Variants in CTNNA2 observed in about 807,000 individuals in gnomAD.
The protein encoded by CTNNA2 is catenin alpha-2.
A neutral mutation model predicts 101.0 loss-of-function variants in CTNNA2; 42 were observed. The ratio of observed to expected loss-of-function variants is 0.42; its 90% CI spans 0.32 to 0.54. The LOEUF (loss-of-function observed/expected upper bound fraction) is 0.54, where lower values mean the gene tolerates loss of function less well. Ranked by LOEUF, CTNNA2 falls within the 20% of genes least tolerant of loss-of-function variation. CTNNA2 has a pLI of 0.14. For synonymous variants in CTNNA2, 450 were observed against 456.4 expected (o/e 0.99, Z 0.18); for missense variants, 871 against 1,223.1 (o/e 0.71, Z 4.29).
At chr2:79,443,145 CAAAG>C (rs1413076042) in intron 4 of CTNNA2, among the ~76,000 whole-genome samples, 1 of 152,008 alleles carries the variant, frequency 6.6e-6, no homozygotes, top group Non-Finnish European at 1.5e-5. Flanking sequence ...AAGATAAAAA[CAAAG>C]AGATATATCG....
intron 7 of CTNNA2, among the ~76,000 whole-genome samples, chr2:80,276,215 T>G (rs1673889354): frequency 6.6e-6 from 1 of 152,216 alleles, no homozygotes; most frequent in Non-Finnish European, 1.5e-5. Flanking sequence ...TCAGAACTAT[T>G]GAGTAGTTCT....
At chr2:79,615,708 G>T (rs894670010) in intron 1 of CTNNA2, among the ~76,000 whole-genome samples, 14 of 152,094 alleles carry the variant, frequency 9.2e-5, no homozygotes, top group Admixed American at 1.3e-4. Context: ...CTTCTGTAAG[G>T]CATATTCATA....
intron 1 of CTNNA2, among the ~76,000 whole-genome samples, chr2:79,588,880 A>AG (rs1021580846): frequency 2.0e-5 from 3 of 152,194 alleles, no homozygotes; most frequent in Admixed American, 6.5e-5. Flanking sequence ...AGTCAAATGG[A>AG]GGTAAGACCT....
At chr2:79,746,874 A>G (rs1245291598) in intron 3 of CTNNA2, among the ~76,000 whole-genome samples, 2 of 152,200 alleles carry the variant, frequency 1.3e-5, no homozygotes, top group African/African-American at 4.8e-5. Context: ...TAAATTAATA[A>G]AGGCAGAGAC....
At chr2:79,414,421 C>G (rs77482318) in intron 4 of CTNNA2, among the ~76,000 whole-genome samples, 1,787 of 152,090 alleles carry the variant, frequency 0.012, 28 homozygotes, top group African/African-American at 0.041. Flanking sequence ...AACACTAGCT[C>G]AATGAGTTAT....
intron 9 of CTNNA2, among the ~76,000 whole-genome samples, chr2:80,467,261 G>A (rs1043466725): frequency 3.9e-5 from 6 of 151,980 alleles, no homozygotes; most frequent in African/African-American, 1.5e-4. Context: ...CTACCAAAAA[G>A]GAGAGAGAAA....
At chr2:79,489,842 C>A (rs1671192376) in intron 4 of CTNNA2, among the ~76,000 whole-genome samples, 2 of 152,134 alleles carry the variant, frequency 1.3e-5, no homozygotes, top group South Asian at 4.1e-4. Context: ...ATTCCCCTTA[C>A]CCAGAGTGGG....
At chr2:79,733,025 G>A (rs1432057666) in intron 2 of CTNNA2, among the ~76,000 whole-genome samples, 1 of 152,148 alleles carries the variant, frequency 6.6e-6, no homozygotes, top group Non-Finnish European at 1.5e-5. Flanking sequence ...CTTCAAACGA[G>A]AGTGAAAAAT....
At chr2:79,653,264 T>C (rs999320672) in intron 2 of CTNNA2, among the ~76,000 whole-genome samples, 1 of 151,764 alleles carries the variant, frequency 6.6e-6, no homozygotes, top group African/African-American at 2.4e-5. Flanking sequence ...TTCAACCAGG[T>C]ATTCTTGTCA....
At chr2:80,622,252 A>G (rs1671209789) in intron 18 of CTNNA2, among the ~76,000 whole-genome samples, 4 of 151,938 alleles carry the variant, frequency 2.6e-5, no homozygotes, top group Non-Finnish European at 1.5e-5. Context: ...CAGTTACACA[A>G]AACTCCACAT....
At chr2:80,124,004 A>G (rs1470921472) in intron 7 of CTNNA2, among the ~76,000 whole-genome samples, 1 of 152,130 alleles carries the variant, frequency 6.6e-6, no homozygotes, top group Non-Finnish European at 1.5e-5. Context: ...ACACTGTGAG[A>G]TAGATGCTTT....
At chr2:79,343,221 G>A (rs1019556706) in intron 3 of CTNNA2, among the ~76,000 whole-genome samples, 11 of 151,838 alleles carry the variant, frequency 7.2e-5, no homozygotes, top group Non-Finnish European at 1.6e-4. Flanking sequence ...TAATGACATA[G>A]GAAATTTATC....
intron 3 of CTNNA2, among the ~76,000 whole-genome samples, chr2:79,749,750 T>C (rs1671885141): frequency 6.6e-6 from 1 of 152,220 alleles, no homozygotes; most frequent in African/African-American, 2.4e-5. Flanking sequence ...AGCTTCAGTT[T>C]CTCCATTTTA....
At chr2:80,084,235 C>G (rs1699314436) in intron 7 of CTNNA2, among the ~76,000 whole-genome samples, 1 of 152,062 alleles carries the variant, frequency 6.6e-6, no homozygotes, top group South Asian at 2.1e-4. Context: ...AATCACAGAA[C>G]AAGAAAGCAG....
At chr2:79,868,904 A>T (rs1186147598) in intron 4 of CTNNA2, among the ~76,000 whole-genome samples, 1 of 152,182 alleles carries the variant, frequency 6.6e-6, no homozygotes, top group Non-Finnish European at 1.5e-5. Flanking sequence ...CTATAAAGAC[A>T]CTATCTGACT....
At chr2:80,144,447 A>G (rs1703206882) in intron 7 of CTNNA2, among the ~76,000 whole-genome samples, 1 of 152,224 alleles carries the variant, frequency 6.6e-6, no homozygotes, top group Non-Finnish European at 1.5e-5. Context: ...ACAAGTACAA[A>G]TGTAAGAATA....
intron 3 of CTNNA2, among the ~76,000 whole-genome samples, chr2:79,807,881 A>G (rs1037428540): frequency 3.3e-5 from 5 of 152,176 alleles, no homozygotes; most frequent in African/African-American, 1.2e-4. Flanking sequence ...GTCGATTTAC[A>G]TTTATGAAAC....
intron 2 of CTNNA2, among the ~76,000 whole-genome samples, chr2:79,720,945 G>T (rs1686442872): frequency 6.6e-6 from 1 of 151,956 alleles, no homozygotes; most frequent in African/African-American, 2.4e-5. Context: ...AAGGCCAAAT[G>T]GAATAGTGTA....
chr2:79,608,465 C>T (rs1427228723), intron 1 of CTNNA2, among the ~76,000 whole-genome samples: 4 of 151,908 alleles, frequency 2.6e-5, no homozygotes. Context: ...AAAGAAAATA[C>T]AAAACATGGA....
Sources: allele counts gnomAD v4.1 joint callset (sites outside exome capture counted in the v4.1 genomes callset), GRCh38; gene constraint gnomAD v4.1.1; transcripts MANE v1.5; gene names NCBI Gene and HGNC (gene_info 2026-07-23, HGNC 2026-07-21).